DENND1A: variants seen among roughly 807,000 people sequenced by gnomAD.
DENND1A encodes the protein DENN domain containing 1A.
DENND1A carries 51 observed loss-of-function variants against 113.7 expected under a neutral mutation model. That is an observed-to-expected ratio of 0.45 (90% CI 0.36 to 0.57). DENND1A has a LOEUF of 0.57. Among genes scored for constraint, DENND1A ranks in the 20% least tolerant of loss-of-function variants. DENND1A has a pLI of 0.00. For synonymous variants in DENND1A, 565 were observed against 570.8 expected (o/e 0.99, Z 0.14); for missense variants, 1,258 against 1,395.9 (o/e 0.90, Z 1.57).
intron 2 of DENND1A, among the ~76,000 whole-genome samples, chr9:123,820,727 T>C (rs1376571947): frequency 6.6e-6 from 1 of 152,250 alleles, no homozygotes; most frequent in Non-Finnish European, 1.5e-5. Flanking sequence ...TTATATGTGA[T>C]CATCTTTTGT....
intron 10 of DENND1A, among the ~76,000 whole-genome samples, chr9:123,618,644 C>G (rs533322851): frequency 2.6e-5 from 4 of 152,330 alleles, no homozygotes; most frequent in Non-Finnish European, 4.4e-5. Context: ...GTGGTCCAGA[C>G]AGCTCCCCAA....
At chr9:123,490,181 A>G (rs1390664635) in intron 13 of DENND1A, among the ~76,000 whole-genome samples, 1 of 152,234 alleles carries the variant, frequency 6.6e-6, no homozygotes, top group African/African-American at 2.4e-5. Flanking sequence ...TACATGGTTC[A>G]GCAATGGCCA....
intron 13 of DENND1A, among the ~76,000 whole-genome samples, chr9:123,512,182 T>C (rs1229376446): frequency 6.6e-6 from 1 of 152,188 alleles, no homozygotes; most frequent in Non-Finnish European, 1.5e-5. Flanking sequence ...TATGAATCTC[T>C]CATGCTGCAG....
At chr9:123,743,382 T>A (rs2069181522) in intron 5 of DENND1A, among the ~76,000 whole-genome samples, 1 of 150,660 alleles carries the variant, frequency 6.6e-6, no homozygotes, top group Admixed American at 6.6e-5. Flanking sequence ...GCCTGAGCGA[T>A]GGAGTAAGAC....
intron 20 of DENND1A, among the ~76,000 whole-genome samples, chr9:123,406,102 C>T (rs115709425): frequency 0.02 from 3,049 of 152,310 alleles, 56 homozygotes; most frequent in African/African-American, 0.042. Context: ...GTGGGTGACA[C>T]GGCACGGTGG....
chr9:123,870,678 G>A (rs1463242911), intron 2 of DENND1A, among the ~76,000 whole-genome samples: 8 of 151,790 alleles, frequency 5.3e-5, no homozygotes, highest in African/African-American at 9.7e-5. Flanking sequence ...CTCGTGATCC[G>A]CCCACCTCAG....
At chr9:123,566,328 C>T (rs1401652748) in intron 12 of DENND1A, among the ~76,000 whole-genome samples, 2 of 152,190 alleles carry the variant, frequency 1.3e-5, no homozygotes, top group Non-Finnish European at 2.9e-5. Context: ...TTCTGCATCC[C>T]ATTCTCCCCT....
intron 2 of DENND1A, among the ~76,000 whole-genome samples, chr9:123,862,265 TTA>T (rs1056377095): frequency 6.6e-6 from 1 of 152,186 alleles, no homozygotes; most frequent in Non-Finnish European, 1.5e-5. Flanking sequence ...CAGGAACATT[TTA>T]TGTTTGTAAG....
At chr9:123,857,499 C>T (rs193229886) in intron 2 of DENND1A, among the ~76,000 whole-genome samples, 148 of 152,314 alleles carry the variant, frequency 9.7e-4, no homozygotes, top group African/African-American at 3.0e-3. Context: ...TAAGGAGGAA[C>T]TTTTCAGTAG....
chr9:123,434,931 G>A (rs2046406410), intron 19 of DENND1A, among the ~76,000 whole-genome samples: 1 of 152,248 alleles, frequency 6.6e-6, no homozygotes, highest in African/African-American at 2.4e-5. Context: ...GAATGATTAT[G>A]CTGCCTGCAC....
At chr9:123,520,927 G>A (rs991099095) in intron 13 of DENND1A, among the ~76,000 whole-genome samples, 2 of 152,204 alleles carry the variant, frequency 1.3e-5, no homozygotes, top group Non-Finnish European at 2.9e-5. Context: ...ACTTCTATGA[G>A]AACAGTGTCT....
chr9:123,684,133 C>T (rs1308091652), intron 5 of DENND1A, among the ~76,000 whole-genome samples: 1 of 152,122 alleles, frequency 6.6e-6, no homozygotes. Flanking sequence ...CTTTTTGTTC[C>T]CATTTCAATT....
intron 13 of DENND1A, among the ~76,000 whole-genome samples, chr9:123,464,621 T>C (rs978607125): frequency 6.6e-6 from 1 of 152,112 alleles, no homozygotes; most frequent in African/African-American, 2.4e-5. Context: ...GAGTTTCGGT[T>C]TCGCCAGACA....
chr9:123,449,490 G>A (rs572664327), intron 18 of DENND1A, among the ~76,000 whole-genome samples: 4 of 149,486 alleles, frequency 2.7e-5, no homozygotes, highest in East Asian at 3.9e-4. Context: ...AGCCGAGATC[G>A]CGCCATTGCA....
chr9:123,676,402 A>G (rs555362061), intron 6 of DENND1A, among the ~76,000 whole-genome samples: 1 of 152,286 alleles, frequency 6.6e-6, no homozygotes, highest in Non-Finnish European at 1.5e-5. Flanking sequence ...ACATGTCACA[A>G]ACTTTCCGGG....
chr9:123,768,685 A>G (rs776402701), intron 4 of DENND1A, among the ~76,000 whole-genome samples: 8 of 152,120 alleles, frequency 5.3e-5, no homozygotes, highest in Non-Finnish European at 1.0e-4. Flanking sequence ...AAATGGGCAA[A>G]TAAATGAATG....
intron 7 of DENND1A, 22 bp from the exon 8 acceptor site, chr9:123,667,101 G>T: frequency 6.3e-7 from 1 of 1,586,708 alleles, no homozygotes; most frequent in Non-Finnish European, 8.6e-7. Flanking sequence ...AAGCAAAAGT[G>T]ATTTATTTCT....
chr9:123,557,783 G>A, intron 12 of DENND1A, 88 bp from the exon 13 acceptor site: 2 of 1,459,126 alleles, frequency 1.4e-6, no homozygotes, highest in Non-Finnish European at 1.9e-6. Context: ...AGCCCTGGAA[G>A]ATCCTACGGA....
chr9:123,761,674 G>A (rs1019814583), intron 4 of DENND1A, among the ~76,000 whole-genome samples: 5 of 152,078 alleles, frequency 3.3e-5, no homozygotes, highest in African/African-American at 4.8e-5. Flanking sequence ...AGTAGAAGTC[G>A]ACAAAAGCCC....
Sources: allele counts gnomAD v4.1 joint callset (sites outside exome capture counted in the v4.1 genomes callset), GRCh38; gene constraint gnomAD v4.1.1; transcripts MANE v1.5; gene names NCBI Gene and HGNC (gene_info 2026-07-23, HGNC 2026-07-21).